CYP2E1: variants seen among roughly 807,000 people sequenced by gnomAD.
CYP2E1 encodes cytochrome P450 family 2 subfamily E member 1, also known as cytochrome P450 2E1.
In CYP2E1, 31 loss-of-function variants were observed where a neutral mutation model predicts 42.9. That is an observed-to-expected ratio of 0.72 (90% CI 0.54 to 0.98). The LOEUF (loss-of-function observed/expected upper bound fraction) is 0.98, where lower values mean the gene tolerates loss of function less well. Among genes scored for constraint, CYP2E1 ranks in the 50% least tolerant of loss-of-function variants. The pLI is 0.00. For missense variants in CYP2E1, 565 were observed against 633.2 expected (o/e 0.89, Z 1.16); for synonymous variants, 244 against 248.9 (o/e 0.98, Z 0.19).
rs57702102 is a variant in CYP2E1 at position 133,537,848 on chromosome 10, A to G, written c.1253A>G (p.Asn418Ser). 9.7e-5 allele frequency: 157 copies of G among 1,613,986 alleles called. 1 individual carries two copies. In the African/African-American group the frequency reaches 2.0e-3, roughly 21 times the overall value. Residue 418 changes from asparagine (N) to serine (S), a missense_variant, in exon 8 of 9, where the codon AAT becomes AGT. Transcript: ENST00000252945. ...AAGCCAGAACACTTCCTGAATGAAA[A>G]TGGAAAGTTCAAGTACAGTGACTAT... ...KFKPEHFLNENGKFKYSDYFK... is the reference protein window; with the variant it reads ...KFKPEHFLNESGKFKYSDYFK...
chr10:133,530,801 G>T (rs1851327008), intron 2 of CYP2E1, among the ~76,000 whole-genome samples: 1 of 152,224 alleles, frequency 6.6e-6, no homozygotes, highest in Non-Finnish European at 1.5e-5. Flanking sequence ...GTGGCTGGGA[G>T]TGTGCAGGGG....
intron 6 of CYP2E1, 79 bp downstream of exon 6, chr10:133,533,976 G>C (rs1851370230): frequency 6.7e-7 from 1 of 1,493,366 alleles, no homozygotes. Context: ...TTAGGCTGCA[G>C]CTTTCTGTCT....
In CYP2E1 at chr10:133,538,804, G is replaced by T. The variant is rs2133601435; in HGVS notation, c.1322G>T (p.Gly441Val). 6.2e-7 allele frequency: 1 copy of T among 1,614,028 alleles called. No individual in the cohort carries two copies. The highest frequency in any genetic ancestry group is 1.1e-5 in the South Asian group (1 of 91,064). ...GGAAAACGAGTGTGTGCTGGAGAAG[G>T]CCTGGCTCGCATGGAGTTGTTTCTT... is the stretch of plus-strand genomic sequence containing the variant. Reference protein sequence around the residue: ...STGKRVCAGEGLARMELFLLL... With the variant: ...STGKRVCAGEVLARMELFLLL... Residue 441 changes from glycine to valine, a missense_variant, in exon 9 of 9, where the codon GGC (glycine) becomes GTC (valine). Gly to Val is a moderately radical substitution (Grantham distance 109). Transcript: ENST00000252945.
At chr10:133,530,545 G>C (rs572946944) in intron 2 of CYP2E1, among the ~76,000 whole-genome samples, 13 of 152,158 alleles carry the variant, frequency 8.5e-5, no homozygotes, top group Non-Finnish European at 1.9e-4. Context: ...TGGAACACAC[G>C]AGCACAGCTT....
chr10:133,537,958 A>G (rs971821889), intron 8 of CYP2E1, 66 bp downstream of exon 8: 2 of 1,519,894 alleles, frequency 1.3e-6, no homozygotes, highest in East Asian at 2.3e-5. Context: ...TCCCCTCCAC[A>G]TGTGCTCTGC....
chr10:133,536,216 A>G (rs111932646), intron 6 of CYP2E1, among the ~76,000 whole-genome samples: 29 of 152,326 alleles, frequency 1.9e-4, no homozygotes, highest in Middle Eastern at 3.4e-3. Context: ...TGAATAAGCC[A>G]TCATCAACTG....
At position 133,527,503 on chromosome 10, in the gene CYP2E1, T is replaced by C. The variant is rs2133592071; in HGVS notation, c.108T>C (p.Pro36=). 1 of 1,613,646 alleles carries C rather than the reference T, an allele frequency of 6.2e-7. No individual in the cohort carries two copies. Among genetic ancestry groups the C allele is most frequent in the Non-Finnish European group, 8.5e-7 (1 of 1,179,948 alleles). ...VHSSWNLPPG[P]FPLPIIGNLF... is the part of the protein sequence containing the mutation. The stretch of plus-strand genomic sequence containing the variant: ...GCAGCTGGAATCTGCCCCCAGGCCC[T>C]TTCCCGCTTCCCATCATCGGGAACC... The change falls in exon 1 of 9, where the codon CCT becomes CCC. Residue 36 remains proline, a synonymous_variant. Transcript: ENST00000252945.
intron 1 of CYP2E1, chr10:133,528,248 G>A (rs889734617): frequency 6.5e-5 from 31 of 479,170 alleles, no homozygotes; most frequent in African/African-American, 5.0e-4. Context: ...GTTGTCCGCG[G>A]AGTCCAGGCG....
intron 4 of CYP2E1, among the ~76,000 whole-genome samples, 164 bp from the exon 5 acceptor site, chr10:133,532,528 C>T (rs531879354): frequency 6.6e-6 from 1 of 152,236 alleles, no homozygotes; most frequent in African/African-American, 2.4e-5. Flanking sequence ...AGAGTTTGCA[C>T]TGCTGAGGAG....
At chr10:133,537,400 T>C in intron 7 of CYP2E1, 150 bp downstream of exon 7, 1 of 742,926 alleles carries the variant, frequency 1.3e-6, no homozygotes, top group East Asian at 2.7e-5. Flanking sequence ...CCCTGTGGGA[T>C]ACTGCATCTC....
intron 7 of CYP2E1, 122 bp from the exon 8 acceptor site, chr10:133,537,629 A>G (rs1391727231): frequency 2.3e-6 from 2 of 860,980 alleles, no homozygotes; most frequent in African/African-American, 1.7e-5. Context: ...CAACTCCTTC[A>G]ACTGGAAATA....
chr10:133,528,678 A>T (rs763327329), intron 2 of CYP2E1, 38 bp downstream of exon 2: 1 of 1,609,700 alleles, frequency 6.2e-7, no homozygotes, highest in South Asian at 1.1e-5. Context: ...GGGGGTGCAT[A>T]ACACGCCCCG....
intron 7 of CYP2E1, 157 bp from the exon 8 acceptor site, chr10:133,537,594 G>A (rs754237819): frequency 2.7e-5 from 18 of 659,262 alleles, no homozygotes; most frequent in Non-Finnish European, 4.3e-5. Flanking sequence ...ACCCCTGACT[G>A]CTTTCTATCT....
chr10:133,534,613 C>G (rs879355473), intron 6 of CYP2E1, among the ~76,000 whole-genome samples: 6 of 152,308 alleles, frequency 3.9e-5, no homozygotes, highest in Admixed American at 3.9e-4. Flanking sequence ...GCCCAGAGCC[C>G]CTGCCTCTCG....
Position 133,532,192 on chromosome 10 carries a change from C to G in CYP2E1, c.556C>G (p.Arg186Gly). Residue 186 changes from arginine (R) to glycine (G), a missense_variant, in exon 4 of 9, where the codon CGC becomes GGC. Coordinates refer to ENST00000252945, the MANE Select transcript of CYP2E1 (RefSeq NM_000773.4). Reference sequence around the variant, plus strand: ...CAACGTCATAGCCGACATCCTCTTCCGCAAGCATTTTGACTACAATGATGA... The same window carrying G: ...CAACGTCATAGCCGACATCCTCTTCGGCAAGCATTTTGACTACAATGATGA... ...PCNVIADILFRKHFDYNDEKF... is the reference protein window; with the variant it reads ...PCNVIADILFGKHFDYNDEKF... The G allele has an allele frequency of 6.2e-7, 1 of 1,614,020 alleles. No homozygotes were observed. Among genetic ancestry groups the G allele is most frequent in the Non-Finnish European group, 8.5e-7 (1 of 1,179,990 alleles).
At position 133,527,380 on chromosome 10, in the gene CYP2E1, G is replaced by C. The variant is rs1390890765; in HGVS notation, c.-16G>C. 1 of 1,589,110 alleles carries C rather than the reference G, an allele frequency of 6.3e-7. No individual in the cohort carries two copies. Among genetic ancestry groups the C allele is most frequent in the Middle Eastern group, 2.0e-4 (1 of 4,902 alleles). On this transcript the variant is annotated 5_prime_UTR_variant, in exon 1 of 9. Coordinates refer to ENST00000252945, the MANE Select transcript of CYP2E1 (RefSeq NM_000773.4). ...AGGATTGTCTCCCGGGCTGGCAGCAGGGCCCCAGCGGCACCATGTCTGCCC... is the reference window on the plus strand; with the variant it reads ...AGGATTGTCTCCCGGGCTGGCAGCACGGCCCCAGCGGCACCATGTCTGCCC...
rs1428404245 is a variant in CYP2E1, at chr10:133,527,506, C to T, written c.111C>T (p.Phe37=). ...HSSWNLPPGP[F]PLPIIGNLFQ... The stretch of plus-strand genomic sequence containing the variant: ...GCTGGAATCTGCCCCCAGGCCCTTT[C>T]CCGCTTCCCATCATCGGGAACCTCT... Residue 37 remains phenylalanine (F), a synonymous_variant, in exon 1 of 9, where the codon TTC becomes TTT. Coordinates refer to ENST00000252945, the MANE Select transcript of CYP2E1 (RefSeq NM_000773.4). 1 of 1,613,644 alleles carries T rather than the reference C, an allele frequency of 6.2e-7. No homozygotes were observed.
intron 6 of CYP2E1, among the ~76,000 whole-genome samples, chr10:133,536,647 G>T (rs1183322993): frequency 7.0e-6 from 1 of 143,320 alleles, no homozygotes; most frequent in African/African-American, 2.7e-5. Context: ...ATGGGTGGTT[G>T]GGTGGATGGA....
At chr10:133,537,683 G>A in intron 7 of CYP2E1, 68 bp from the exon 8 acceptor site, 2 of 1,327,438 alleles carry the variant, frequency 1.5e-6, no homozygotes, top group East Asian at 2.3e-5. Flanking sequence ...ATTCTTCACT[G>A]GGGGTTTCCA....
Sources: allele counts gnomAD v4.1 joint callset (sites outside exome capture counted in the v4.1 genomes callset), GRCh38; gene constraint gnomAD v4.1.1; transcripts MANE v1.5; gene names NCBI Gene and HGNC (gene_info 2026-07-23, HGNC 2026-07-21).